Variants in SIPA1L1 observed in about 807,000 individuals in gnomAD.
The protein encoded by SIPA1L1 is signal induced proliferation associated 1 like 1.
A neutral mutation model predicts 162.7 loss-of-function variants in SIPA1L1; 26 were observed. The observed-to-expected ratio is 0.16, with a 90% CI of 0.12 to 0.22. The LOEUF is 0.22. Ranked by LOEUF, SIPA1L1 falls within the 10% of genes least tolerant of loss-of-function variation. The pLI, the probability that SIPA1L1 is intolerant of heterozygous loss-of-function variation, is 1.00. For synonymous variants in SIPA1L1, 829 were observed against 837.4 expected (o/e 0.99, Z 0.17); for missense variants, 1,874 against 2,241.0 (o/e 0.84, Z 3.31).
At chr14:71,648,205 G>A (rs1458671867) in intron 7 of SIPA1L1, among the ~76,000 whole-genome samples, 6 of 152,134 alleles carry the variant, frequency 3.9e-5, no homozygotes, top group African/African-American at 1.2e-4. Flanking sequence ...AGGGAGAATC[G>A]CTTCAACTCC....
intron 7 of SIPA1L1, among the ~76,000 whole-genome samples, chr14:71,643,952 C>T (rs550607450): frequency 4.3e-4 from 66 of 152,048 alleles, no homozygotes; most frequent in African/African-American, 1.5e-3. Flanking sequence ...GGATTACAGG[C>T]GCCCACCACC....
chr14:71,726,856 G>T (rs2084287363), intron 19 of SIPA1L1, among the ~76,000 whole-genome samples: 2 of 152,086 alleles, frequency 1.3e-5, no homozygotes, highest in South Asian at 4.1e-4. Flanking sequence ...TGTCAGTAAG[G>T]CTGGCATGCC....
At chr14:71,342,027 A>G (rs886461098) in intron 2 of SIPA1L1, among the ~76,000 whole-genome samples, 6 of 151,994 alleles carry the variant, frequency 3.9e-5, no homozygotes, top group Admixed American at 6.5e-5. Context: ...TTTTGGAGAC[A>G]GGGTCTCACT....
chr14:71,429,448 G>A (rs1020569992), intron 2 of SIPA1L1, among the ~76,000 whole-genome samples: 1 of 151,330 alleles, frequency 6.6e-6, no homozygotes, highest in Non-Finnish European at 1.5e-5. Flanking sequence ...AGGTATTCAT[G>A]TTGGTTCATA....
At chr14:71,493,241 C>T (rs1404696214) in intron 2 of SIPA1L1, among the ~76,000 whole-genome samples, 3 of 151,978 alleles carry the variant, frequency 2.0e-5, no homozygotes, top group Middle Eastern at 3.2e-3. Context: ...TACAGGTGCC[C>T]AAACCCTCCA....
intron 14 of SIPA1L1, 47 bp from the exon 15 acceptor site, chr14:71,702,334 G>T: frequency 6.2e-7 from 1 of 1,606,060 alleles, no homozygotes; most frequent in South Asian, 1.1e-5. Context: ...TTCCCCTCAT[G>T]GGTAAGGTCC....
chr14:71,702,175 T>C (rs1258424507), intron 14 of SIPA1L1: 2 of 523,644 alleles, frequency 3.8e-6, no homozygotes, highest in African/African-American at 1.9e-5. Flanking sequence ...ATGCATACCT[T>C]TTTGAGCAGA....
At chr14:71,701,360 G>A (rs114768208) in intron 14 of SIPA1L1, among the ~76,000 whole-genome samples, 4,176 of 151,454 alleles carry the variant, frequency 0.028, 92 homozygotes, top group African/African-American at 0.059. Flanking sequence ...AGCTGGGACT[G>A]TAGTGGCCAC....
chr14:71,600,321 C>T (rs974212929), intron 5 of SIPA1L1, among the ~76,000 whole-genome samples: 1 of 152,076 alleles, frequency 6.6e-6, no homozygotes, highest in Non-Finnish European at 1.5e-5. Context: ...GTAGAATTTT[C>T]CCAGCACCAT....
At chr14:71,455,040 T>C (rs939893189) in intron 2 of SIPA1L1, among the ~76,000 whole-genome samples, 1 of 152,222 alleles carries the variant, frequency 6.6e-6, no homozygotes, top group African/African-American at 2.4e-5. Context: ...TGCTAGATCC[T>C]TCATGAGTGA....
chr14:71,644,137 T>C (rs1054092879), intron 7 of SIPA1L1, among the ~76,000 whole-genome samples: 1 of 151,826 alleles, frequency 6.6e-6, no homozygotes, highest in Non-Finnish European at 1.5e-5. Context: ...GGTTGATAGC[T>C]ATGTGGAATC....
chr14:71,642,266 C>G (rs1456996258), intron 7 of SIPA1L1, among the ~76,000 whole-genome samples: 1 of 152,118 alleles, frequency 6.6e-6, no homozygotes, highest in Admixed American at 6.5e-5. Flanking sequence ...GGCTACAGTA[C>G]AGGCAGGGGG....
intron 2 of SIPA1L1, among the ~76,000 whole-genome samples, chr14:71,360,835 G>A (rs1321378000): frequency 1.3e-5 from 2 of 152,098 alleles, no homozygotes; most frequent in Non-Finnish European, 2.9e-5. Context: ...TTACATTAGA[G>A]GAAATTAATG....
chr14:71,547,550 T>C (rs1289359326), intron 4 of SIPA1L1, among the ~76,000 whole-genome samples: 2 of 152,178 alleles, frequency 1.3e-5, no homozygotes, highest in East Asian at 3.8e-4. Flanking sequence ...CGCGTTGGCC[T>C]CCCAAAGTGC....
intron 2 of SIPA1L1, among the ~76,000 whole-genome samples, chr14:71,363,382 C>T (rs984821212): frequency 2.0e-5 from 3 of 151,776 alleles, no homozygotes; most frequent in African/African-American, 4.9e-5. Flanking sequence ...ACAGAAACAA[C>T]GTAATCACCC....
chr14:71,466,495 T>G (rs1326659763), intron 2 of SIPA1L1, among the ~76,000 whole-genome samples: 3 of 152,054 alleles, frequency 2.0e-5, no homozygotes, highest in African/African-American at 7.3e-5. Context: ...TTAGCTTCAG[T>G]TGATAACTCT....
intron 5 of SIPA1L1, among the ~76,000 whole-genome samples, chr14:71,608,429 A>G (rs1463038573): frequency 2.0e-5 from 3 of 152,180 alleles, no homozygotes; most frequent in Non-Finnish European, 4.4e-5. Flanking sequence ...TCATTTACAT[A>G]CAAGTGTTTC....
chr14:71,518,926 T>G (rs1390983261), intron 3 of SIPA1L1, among the ~76,000 whole-genome samples: 1 of 151,638 alleles, frequency 6.6e-6, no homozygotes, highest in Non-Finnish European at 1.5e-5. Flanking sequence ...CAAGAGAAAA[T>G]GAAGAAACAA....
chr14:71,398,123 C>T (rs1409842808), intron 2 of SIPA1L1, among the ~76,000 whole-genome samples: 1 of 143,738 alleles, frequency 7.0e-6, no homozygotes, highest in African/African-American at 2.6e-5. Flanking sequence ...TCACGCCATT[C>T]TCCTGCCTCA....
Sources: allele counts gnomAD v4.1 joint callset (sites outside exome capture counted in the v4.1 genomes callset), GRCh38; gene constraint gnomAD v4.1.1; transcripts MANE v1.5; gene names NCBI Gene and HGNC (gene_info 2026-07-23, HGNC 2026-07-21).